PDHX: variants seen among roughly 807,000 people sequenced by gnomAD.
The protein encoded by PDHX is pyruvate dehydrogenase protein X component, mitochondrial.
PDHX carries 33 observed loss-of-function variants against 55.3 expected under a neutral mutation model. The ratio of observed to expected loss-of-function variants is 0.60; its 90% CI spans 0.45 to 0.80. PDHX has a LOEUF of 0.80. Ranked by LOEUF, PDHX falls within the 30% of genes least tolerant of loss-of-function variation. PDHX has a pLI of 0.00. For synonymous variants in PDHX, 226 were observed against 219.4 expected (o/e 1.03, Z -0.27); for missense variants, 622 against 619.9 (o/e 1.00, Z -0.04).
chr11:34,960,411 T>C lies in PDHX; in HGVS notation c.543-9T>C. 6.3e-7 allele frequency: 1 copy of C among 1,594,864 alleles called. No individual in the cohort carries two copies. Among genetic ancestry groups the C allele is most frequent in the Non-Finnish European group, 8.6e-7 (1 of 1,162,816 alleles). The stretch of plus-strand genomic sequence containing the variant: ...ATTGGTTCTATTAACCTTCATATTT[T>C]TTTCTTAGGTTCCGTTTAAGTCCAG... On this transcript the variant is annotated splice_polypyrimidine_tract_variant and intron_variant, in intron 4 of 10. Transcript: ENST00000227868.
At chr11:34,951,836 A>C (rs189648241) in intron 3 of PDHX, among the ~76,000 whole-genome samples, 1 of 152,184 alleles carries the variant, frequency 6.6e-6, no homozygotes, top group Non-Finnish European at 1.5e-5. Context: ...TTTAGGTCTA[A>C]CGTTTAAGTC....
chr11:34,967,825 G>A (rs1298840979), intron 6 of PDHX, among the ~76,000 whole-genome samples: 1 of 152,120 alleles, frequency 6.6e-6, no homozygotes, highest in Admixed American at 6.5e-5. Flanking sequence ...ATCCATTAAT[G>A]ATTAATATAC....
chr11:34,926,141 G>A (rs1370197001), intron 1 of PDHX, among the ~76,000 whole-genome samples: 1 of 152,112 alleles, frequency 6.6e-6, no homozygotes, highest in Admixed American at 6.5e-5. Flanking sequence ...GAACAAAGAA[G>A]ACTTATATGA....
chr11:34,931,312 T>G (rs1854158415), intron 1 of PDHX, 92 bp from the exon 2 acceptor site: 4 of 749,344 alleles, frequency 5.3e-6, no homozygotes, highest in Non-Finnish European at 9.6e-6. Context: ...CTTTTTCAAA[T>G]TGAATTTGAC....
At chr11:34,964,152 T>C (rs1387791911) in intron 5 of PDHX, among the ~76,000 whole-genome samples, 5 of 152,212 alleles carry the variant, frequency 3.3e-5, no homozygotes, top group Non-Finnish European at 4.4e-5. Flanking sequence ...CTCCTAATTT[T>C]TATAGCTTTT....
chr11:34,962,767 A>G (rs1855046152), intron 5 of PDHX, among the ~76,000 whole-genome samples: 1 of 152,204 alleles, frequency 6.6e-6, no homozygotes, highest in South Asian at 2.1e-4. Flanking sequence ...AAAATAAAGA[A>G]ATAAAGGTTT....
At chr11:34,940,845 T>C (rs1854456883) in intron 2 of PDHX, among the ~76,000 whole-genome samples, 1 of 152,248 alleles carries the variant, frequency 6.6e-6, no homozygotes, top group Admixed American at 6.5e-5. Flanking sequence ...TTTTCAGATT[T>C]AGCATGATTA....
chr11:34,953,893 GC>G lies in PDHX; in HGVS notation c.343-3490del, dbSNP rs142250718. Among the ~76,000 whole-genome samples the G allele has an allele frequency of 6.8e-3, 1,032 of 152,302 alleles. 12 individuals carry two copies. Among genetic ancestry groups the G allele is most frequent in the African/African-American group, 0.024 (980 of 41,546 alleles). Reference sequence around the variant, plus strand: ...TAATGCTGTGCTGGAACAGTGCTTGGCACTTGAAAGCCAGACAACTGTTATT... The same window carrying G: ...TAATGCTGTGCTGGAACAGTGCTTGGACTTGAAAGCCAGACAACTGTTATT... On this transcript the variant is annotated intron_variant, in intron 3 of 10. Coordinates refer to ENST00000227868, the MANE Select transcript of PDHX (RefSeq NM_003477.3).
chr11:34,946,391 A>T (rs1392450024), intron 2 of PDHX, among the ~76,000 whole-genome samples: 2 of 152,092 alleles, frequency 1.3e-5, no homozygotes, highest in Admixed American at 1.3e-4. Flanking sequence ...CACTAAATAA[A>T]TTGCTTCTGA....
chr11:34,936,769 G>GTTTCTTTTCTTTTCT (rs560296037), intron 2 of PDHX, among the ~76,000 whole-genome samples: 31 of 90,996 alleles, frequency 3.4e-4, no homozygotes, highest in African/African-American at 1.2e-3. Context: ...ATAGGAAGTG[G>GTTTCTTTTCTTTTCT]TTTCTTTTCT....
intron 1 of PDHX, among the ~76,000 whole-genome samples, chr11:34,922,611 T>C (rs1449559661): frequency 1.3e-5 from 2 of 152,150 alleles, no homozygotes; most frequent in African/African-American, 4.8e-5. Context: ...TTTAAAAAAA[T>C]GAAATCAGAC....
Position 34,957,553 on chromosome 11 carries a change from T to A in PDHX, c.512T>A (p.Val171Asp). ...CCAGAACCACAGATTTCCATCCCTG[T>A]CAAGAAGGAACACATACCCGGGACA... ...PSPEPQISIP[V>D]KKEHIPGTLR... The change falls in exon 4 of 11, where the codon GTC becomes GAC. Residue 171 changes from valine (V) to aspartate (D), a missense_variant. Val to Asp is a radical substitution (Grantham distance 152). Coordinates refer to ENST00000227868, the MANE Select transcript of PDHX (RefSeq NM_003477.3). 6.2e-7 allele frequency: 1 copy of A among 1,613,840 alleles called. No homozygotes were observed. Among genetic ancestry groups the A allele is most frequent in the South Asian group, 1.1e-5 (1 of 91,070 alleles).
At chr11:34,990,252 G>C (rs1855730061) in intron 9 of PDHX, among the ~76,000 whole-genome samples, 1 of 152,168 alleles carries the variant, frequency 6.6e-6, no homozygotes, top group Non-Finnish European at 1.5e-5. Flanking sequence ...GGCATTCGAT[G>C]TATTGTAGAA....
At chr11:34,987,467 G>T (rs1455126763) in intron 9 of PDHX, among the ~76,000 whole-genome samples, 1 of 151,774 alleles carries the variant, frequency 6.6e-6, no homozygotes, top group Non-Finnish European at 1.5e-5. Context: ...TAGTTTACAG[G>T]AGAGAGAGAG....
At chr11:34,954,279 A>G (rs1003973352) in intron 3 of PDHX, among the ~76,000 whole-genome samples, 2 of 152,226 alleles carry the variant, frequency 1.3e-5, no homozygotes, top group African/African-American at 4.8e-5. Flanking sequence ...AAAACAGACA[A>G]TATTTACTTG....
At chr11:34,935,361 TATG>T (rs1356168028) in intron 2 of PDHX, among the ~76,000 whole-genome samples, 2 of 152,168 alleles carry the variant, frequency 1.3e-5, no homozygotes, top group African/African-American at 2.4e-5. Flanking sequence ...AAGTACCTAA[TATG>T]GTGCTTAGAA....
chr11:34,984,764 A>C lies in PDHX; in HGVS notation c.1182+36A>C, dbSNP rs367665412. 2.9e-5 allele frequency: 47 copies of C among 1,596,910 alleles called. No homozygotes were observed. In the African/African-American group the frequency reaches 5.9e-4, roughly 20 times the overall value. ...AGAAAGAGTGTGCTTTCAAAATGTTAGCATATACTTTTGGATAATTACTTT... is the reference window on the plus strand; with the variant it reads ...AGAAAGAGTGTGCTTTCAAAATGTTCGCATATACTTTTGGATAATTACTTT... On this transcript the variant is annotated intron_variant, in intron 9 of 10. Transcript: ENST00000227868.
chr11:34,992,339 G>A lies in PDHX; in HGVS notation c.1207G>A (p.Gly403Arg). The A allele has an allele frequency of 1.2e-6, 2 of 1,603,640 alleles. No individual in the cohort carries two copies. Among genetic ancestry groups the A allele is most frequent in the Non-Finnish European group, 1.7e-6 (2 of 1,171,150 alleles). Reference sequence around the variant, plus strand: ...GGCTCTATCAAAGAAAGCAAGAGATGGAAAATTGTTGCCTGAAGAATACCA... The same window carrying A: ...GGCTCTATCAAAGAAAGCAAGAGATAGAAAATTGTTGCCTGAAGAATACCA... ...VKALSKKARD[G>R]KLLPEEYQGG... The change falls in exon 10 of 11, where the codon GGA (glycine) becomes AGA (arginine). Residue 403 changes from glycine (G) to arginine (R), a missense_variant. Physicochemically the swap from Gly to Arg is moderately radical, Grantham distance 125. Transcript: ENST00000227868.
intron 5 of PDHX, among the ~76,000 whole-genome samples, chr11:34,962,454 T>A (rs909388228): frequency 6.6e-6 from 1 of 152,156 alleles, no homozygotes; most frequent in Non-Finnish European, 1.5e-5. Context: ...AAATAATGGA[T>A]TTGGGAAGCA....
Sources: gnomAD v4.1 joint callset for allele counts (sites outside exome capture counted in the v4.1 genomes callset) on GRCh38, gnomAD v4.1.1 for gene constraint, MANE v1.5 for transcripts, NCBI Gene and HGNC (gene_info 2026-07-23, HGNC 2026-07-21) for gene names.